DOCK8: variants seen among roughly 807,000 people sequenced by gnomAD.
DOCK8 encodes the protein dedicator of cytokinesis 8, also known as dedicator of cytokinesis protein 8.
DOCK8 carries 141 observed loss-of-function variants against 245.6 expected under a neutral mutation model. That is an observed-to-expected ratio of 0.57 (90% CI 0.50 to 0.66). DOCK8 has a LOEUF of 0.66. Ranked by LOEUF, DOCK8 falls within the 30% of genes least tolerant of loss-of-function variation. DOCK8 has a pLI of 0.00. For missense variants in DOCK8, 2,965 were observed against 2,603.4 expected, an observed-to-expected ratio of 1.14 and a Z score of -3.02; for synonymous variants, 1,168 against 970.2, an observed-to-expected ratio of 1.20 and a Z score of -3.79.
rs74463588 is a variant in DOCK8 at position 405,532 on chromosome 9, G to A, written c.3390+459G>A. Among the ~76,000 whole-genome samples, 250 of 152,270 alleles carry A rather than the reference G, an allele frequency of 1.6e-3. 2 individuals carry two copies. The highest frequency in any genetic ancestry group is 5.8e-3 in the African/African-American group (241 of 41,554). The stretch of plus-strand genomic sequence containing the variant: ...AGAAGCAGAAGAGGAAATGGGAGGA[G>A]GTGTGCATGATAAGCAGTGATTCCC... On this transcript the variant is annotated intron_variant, in intron 27 of 47. Transcript: ENST00000432829.
intron 9 of DOCK8, among the ~76,000 whole-genome samples, chr9:331,019 T>C (rs974200056): frequency 6.6e-6 from 1 of 152,156 alleles, no homozygotes; most frequent in Non-Finnish European, 1.5e-5. Flanking sequence ...TGCTTCAGGG[T>C]CCTAATTAAG....
At chr9:446,677 C>G in intron 44 of DOCK8, 71 bp downstream of exon 44, 1 of 1,359,850 alleles carries the variant, frequency 7.4e-7, no homozygotes, top group Non-Finnish European at 1.0e-6. Context: ...ACCCACAAAC[C>G]TCTTTCACAG....
At chr9:382,425 C>T in intron 21 of DOCK8, 88 bp from the exon 22 acceptor site, 1 of 1,575,796 alleles carries the variant, frequency 6.3e-7, no homozygotes, top group East Asian at 2.2e-5. Context: ...GCTTTTCATC[C>T]ACCCTATCCC....
chr9:446,134 C>T (rs375165971), intron 43 of DOCK8, among the ~76,000 whole-genome samples: 4 of 152,244 alleles, frequency 2.6e-5, no homozygotes, highest in East Asian at 3.8e-4. Context: ...AAGGTGCGGC[C>T]GGTGGCCCTC....
At chr9:396,439 G>A (rs956470157) in intron 24 of DOCK8, among the ~76,000 whole-genome samples, 4 of 152,198 alleles carry the variant, frequency 2.6e-5, no homozygotes, top group African/African-American at 9.7e-5. Context: ...CTATGATAGA[G>A]GACACCTAGC....
Position 404,994 on chromosome 9 carries a change from A to G in DOCK8, c.3311A>G (p.Glu1104Gly), listed in dbSNP as rs1199283461. The G allele has an allele frequency of 2.5e-6, 4 of 1,613,934 alleles. No homozygotes were observed. In the African/African-American group the frequency reaches 5.3e-5, roughly 22 times the overall value. The change falls in exon 27 of 48, where the codon GAG (glutamate) becomes GGG (glycine). Residue 1104 changes from glutamate to glycine, a missense_variant. Physicochemically the swap from Glu to Gly is moderately conservative, Grantham distance 98. Coordinates refer to ENST00000432829, the MANE Select transcript of DOCK8 (RefSeq NM_203447.4). The stretch of plus-strand genomic sequence containing the variant: ...TTCCTGAGAATCCTCTGTAGCCATG[A>G]GCATTACCTCAATCTGAACCTTTTT... ...LEFLRILCSH[E>G]HYLNLNLFFM...
intron 46 of DOCK8, among the ~76,000 whole-genome samples, chr9:457,555 C>T (rs1204105113): frequency 6.6e-6 from 1 of 152,292 alleles, no homozygotes; most frequent in East Asian, 1.9e-4. Context: ...AAGTTTGAAT[C>T]ATAAGACACA....
intron 36 of DOCK8, among the ~76,000 whole-genome samples, chr9:430,866 ATATTT>A (rs2056683322): frequency 6.6e-6 from 1 of 151,906 alleles, no homozygotes. Context: ...TTTTATTTTA[ATATTT>A]TATTTATTTA....
intron 10 of DOCK8, among the ~76,000 whole-genome samples, 165 bp downstream of exon 10, chr9:332,643 G>C (rs1208795820): frequency 7.6e-6 from 1 of 132,326 alleles, no homozygotes; most frequent in Non-Finnish European, 1.6e-5. Flanking sequence ...GGTCACCGAT[G>C]ATGACTTTTT....
At chr9:289,947 TA>T (rs1201843738) in intron 4 of DOCK8, among the ~76,000 whole-genome samples, 1 of 152,240 alleles carries the variant, frequency 6.6e-6, no homozygotes, top group Non-Finnish European at 1.5e-5. Context: ...TTCACTGCCC[TA>T]AAAATCCTCT....
rs745614955 is a variant in DOCK8, at chr9:312,111, C to A, written c.686C>A (p.Ala229Asp). 125 of 1,614,096 alleles carry A rather than the reference C, an allele frequency of 7.7e-5. 1 individual carries two copies. Among genetic ancestry groups the A allele is most frequent in the Non-Finnish European group, 9.8e-5 (116 of 1,180,044 alleles). Residue 229 changes from alanine to aspartate, a missense_variant, in exon 6 of 48, where the codon GCC becomes GAC. Ala to Asp is a moderately radical substitution (Grantham distance 126). Coordinates refer to ENST00000432829, the MANE Select transcript of DOCK8 (RefSeq NM_203447.4). ...AEDFEKQNEEARRTNRQAELF... is the reference protein window; with the variant it reads ...AEDFEKQNEEDRRTNRQAELF... ...GACTTTGAGAAGCAGAACGAGGAGG[C>A]CCGGAGGACCAATAGGCAGGCCGAG...
chr9:216,660 G>C (rs1350335548), intron 1 of DOCK8, among the ~76,000 whole-genome samples: 2 of 151,902 alleles, frequency 1.3e-5, no homozygotes. Context: ...CATTCAAGGA[G>C]TATAGGGAAT....
At chr9:300,725 C>T (rs138122273) in intron 4 of DOCK8, among the ~76,000 whole-genome samples, 2 of 152,216 alleles carry the variant, frequency 1.3e-5, no homozygotes, top group East Asian at 3.9e-4. Flanking sequence ...TACCCCTATG[C>T]ACACAAACTA....
chr9:434,254 G>T (rs1296159924), intron 38 of DOCK8, among the ~76,000 whole-genome samples: 1 of 152,054 alleles, frequency 6.6e-6, no homozygotes, highest in Non-Finnish European at 1.5e-5. Context: ...ATCAGAGAAA[G>T]AATAATTAAC....
At chr9:217,906 A>G (rs1454999371) in intron 1 of DOCK8, among the ~76,000 whole-genome samples, 2 of 152,216 alleles carry the variant, frequency 1.3e-5, no homozygotes, top group African/African-American at 4.8e-5. Flanking sequence ...ACTGCTCCAA[A>G]GACTGTGCTC....
chr9:420,660 G>C (rs568128650), intron 31 of DOCK8, 77 bp downstream of exon 31: 4 of 1,574,958 alleles, frequency 2.5e-6, no homozygotes, highest in African/African-American at 1.3e-5. Context: ...CATCCCCTTT[G>C]TTTGGGCCAT....
intron 46 of DOCK8, among the ~76,000 whole-genome samples, chr9:454,899 G>A (rs895115054): frequency 1.3e-5 from 2 of 152,100 alleles, no homozygotes; most frequent in Non-Finnish European, 2.9e-5. Context: ...AGTAAAACTA[G>A]TCCCAGGCAA....
chr9:253,275 T>C (rs1267304769), intron 1 of DOCK8, among the ~76,000 whole-genome samples: 1 of 152,188 alleles, frequency 6.6e-6, no homozygotes, highest in East Asian at 1.9e-4. Flanking sequence ...TAACTGATCT[T>C]TCAATCGAAC....
At position 388,102 on chromosome 9, in the gene DOCK8, C is replaced by T. The variant is rs149181721; in HGVS notation, c.2874+1676C>T. Among the ~76,000 whole-genome samples the T allele has an allele frequency of 1.1e-3, 164 of 152,272 alleles. 1 individual carries two copies. Among genetic ancestry groups the T allele is most frequent in the Admixed American group, 4.9e-3 (75 of 15,306 alleles). ...TGTCTAATCTCTTCTTGCCATAAGA[C>T]CCTGGCAGACAAACTGACCTATTTT... On this transcript the variant is annotated intron_variant, in intron 23 of 47. Coordinates refer to ENST00000432829, the MANE Select transcript of DOCK8 (RefSeq NM_203447.4).
Sources: allele counts gnomAD v4.1 joint callset (sites outside exome capture counted in the v4.1 genomes callset), GRCh38; gene constraint gnomAD v4.1.1; transcripts MANE v1.5; gene names NCBI Gene and HGNC (gene_info 2026-07-23, HGNC 2026-07-21).